The following FHIP2A variants were observed in gnomAD, a reference collection of about 807,000 sequenced individuals.
The protein encoded by FHIP2A is FHF complex subunit HOOK interacting protein 2A.
A neutral mutation model predicts 93.5 loss-of-function variants in FHIP2A; 46 were observed. The ratio of observed to expected loss-of-function variants is 0.49; its 90% CI spans 0.39 to 0.63. FHIP2A has a LOEUF of 0.63. Ranked by LOEUF, FHIP2A falls within the 20% of genes least tolerant of loss-of-function variation. The pLI is 0.00. For synonymous variants in FHIP2A, 332 were observed against 326.5 expected (o/e 1.02, Z -0.18); for missense variants, 769 against 909.7 (o/e 0.85, Z 1.99).
At chr10:114,888,894 C>T (rs534389979) in intron 16 of FHIP2A, among the ~76,000 whole-genome samples, 44 of 152,282 alleles carry the variant, frequency 2.9e-4, no homozygotes, top group African/African-American at 8.9e-4. Context: ...TGAGCCACCG[C>T]GCCCTGCCAA....
chr10:114,890,008 T>G (rs2083962631), intron 16 of FHIP2A, among the ~76,000 whole-genome samples: 1 of 151,992 alleles, frequency 6.6e-6, no homozygotes. Flanking sequence ...TTTATCTCAG[T>G]CTCTTGATTG....
At chr10:114,881,218 T>C (rs946306706) in intron 16 of FHIP2A, among the ~76,000 whole-genome samples, 6 of 152,180 alleles carry the variant, frequency 3.9e-5, no homozygotes, top group African/African-American at 1.4e-4. Context: ...GGGTCCCCTG[T>C]TTTATGCCTT....
intron 16 of FHIP2A, among the ~76,000 whole-genome samples, chr10:114,874,041 A>G (rs890242138): frequency 2.0e-5 from 3 of 152,166 alleles, no homozygotes; most frequent in Non-Finnish European, 2.9e-5. Flanking sequence ...GTATTGGACT[A>G]GACACGTGGT....
At chr10:114,877,351 T>C (rs530008537) in intron 16 of FHIP2A, among the ~76,000 whole-genome samples, 28 of 152,286 alleles carry the variant, frequency 1.8e-4, no homozygotes, top group African/African-American at 6.7e-4. Flanking sequence ...CTGGAACCCA[T>C]GCAGCTCCTT....
rs1251020950 is a variant in FHIP2A at position 114,877,243 on chromosome 10, G to A, written c.2192+15909G>A. On this transcript the variant is annotated intron_variant, in intron 16 of 16. Coordinates refer to the FHIP2A transcript ENST00000369250. ...AGTTCCCGAGTGCTGTCACTGGAGGGCGATGTCTCCAAACAGTCTCTTTCC... is the reference window on the plus strand; with the variant it reads ...AGTTCCCGAGTGCTGTCACTGGAGGACGATGTCTCCAAACAGTCTCTTTCC... Among the ~76,000 whole-genome samples, 13 of 152,176 alleles carry A rather than the reference G, an allele frequency of 8.5e-5. No homozygotes were observed. The South Asian group carries it at 2.7e-3, about 32-fold the overall frequency.
rs2083802070 is a variant in FHIP2A at position 114,861,860 on chromosome 10, A to G, written c.*320A>G. On this transcript the variant is annotated 3_prime_UTR_variant, in exon 17 of 17. Coordinates refer to ENST00000369248, the MANE Select transcript of FHIP2A (RefSeq NM_020940.4). ...CAATATTTCCAATGTCATGACTTTG[A>G]TGATATTTCTGTTATATTAATGTCC... The G allele has an allele frequency of 9.9e-7, 1 of 1,012,488 alleles. No individual in the cohort carries two copies. The highest frequency in any genetic ancestry group is 1.7e-5 in the African/African-American group (1 of 58,020). 62.7% of individuals were successfully genotyped at this position (1,012,488 alleles called of 1,614,324 possible).
At chr10:114,828,838 C>T (rs2083592103) in intron 1 of FHIP2A, among the ~76,000 whole-genome samples, 1 of 151,676 alleles carries the variant, frequency 6.6e-6, no homozygotes, top group South Asian at 2.1e-4. Flanking sequence ...ATATTTTATT[C>T]TCTTAACACA....
Position 114,822,005 on chromosome 10 carries a change from A to G in FHIP2A, c.-74A>G. 2 of 1,010,652 alleles carry G rather than the reference A, an allele frequency of 2.0e-6. No individual in the cohort carries two copies. The highest frequency in any genetic ancestry group is 3.8e-5 in the South Asian group (1 of 26,368). The allele number at this position is 1,010,652 out of a possible 1,614,324, so 62.6% of individuals were successfully genotyped here. A position where few individuals can be genotyped will look rare whatever the true frequency, so the allele number is the denominator to read the frequency against. ...ACTCTGGAGCGGCCCCGGCAGCCGC[A>G]GCAGGGGCGGCGGCGGCGGATCGAG... On this transcript the variant is annotated 5_prime_UTR_variant, in exon 1 of 17. Coordinates refer to ENST00000369248, the MANE Select transcript of FHIP2A (RefSeq NM_020940.4).
chr10:114,874,265 A>AT (rs11462305), intron 16 of FHIP2A, among the ~76,000 whole-genome samples: 48,436 of 151,930 alleles, frequency 0.32, 8,310 homozygotes, highest in South Asian at 0.39. Context: ...TAGATCTTTA[A>AT]TTTTTTTTCC....
chr10:114,881,582 C>T (rs182445146), intron 16 of FHIP2A, among the ~76,000 whole-genome samples: 58 of 152,202 alleles, frequency 3.8e-4, no homozygotes, highest in African/African-American at 1.4e-3. Context: ...TGCCTAACAG[C>T]CATAAATATT....
At chr10:114,869,943 C>T (rs1261187396) in intron 16 of FHIP2A, among the ~76,000 whole-genome samples, 4 of 152,138 alleles carry the variant, frequency 2.6e-5, no homozygotes, top group Non-Finnish European at 5.9e-5. Flanking sequence ...TGATATACAT[C>T]TTGCGAAGTA....
chr10:114,851,714 C>CAAAAA lies in FHIP2A; in HGVS notation c.1803+2995_1803+2999dup, dbSNP rs60649106. On this transcript the variant is annotated intron_variant, in intron 13 of 16. Coordinates refer to ENST00000369248, the MANE Select transcript of FHIP2A (RefSeq NM_020940.4). The stretch of plus-strand genomic sequence containing the variant: ...TTTAGGATTACTTTGTCCATTTCTG[C>CAAAAA]AAAAAAAAAAAAAAAAAAAAAAGCA... Among the ~76,000 whole-genome samples the CAAAAA allele has an allele frequency of 2.3e-3, 191 of 81,910 alleles. 13 individuals are homozygous for CAAAAA. Among genetic ancestry groups the CAAAAA allele is most frequent in the Middle Eastern group, 0.017 (2 of 118 alleles). 53.7% of individuals were successfully genotyped at this position (81,910 alleles called of 152,430 possible).
At chr10:114,823,874 T>G (rs1470864637) in intron 1 of FHIP2A, among the ~76,000 whole-genome samples, 1 of 152,152 alleles carries the variant, frequency 6.6e-6, no homozygotes, top group Admixed American at 6.5e-5. Flanking sequence ...ATTTACTATA[T>G]TGCAGTCAGC....
chr10:114,856,669 C>T (rs2083768839), intron 14 of FHIP2A, among the ~76,000 whole-genome samples: 1 of 152,132 alleles, frequency 6.6e-6, no homozygotes. Context: ...GAATCTTCAA[C>T]CTTGAGCACT....
chr10:114,856,231 A>G (rs1156764307), intron 14 of FHIP2A, among the ~76,000 whole-genome samples: 1 of 152,242 alleles, frequency 6.6e-6, no homozygotes, highest in Non-Finnish European at 1.5e-5. Context: ...GAAGTATTTC[A>G]CTATGTTAGA....
intron 5 of FHIP2A, among the ~76,000 whole-genome samples, chr10:114,838,034 TAGG>T (rs2083646174): frequency 6.6e-6 from 1 of 152,178 alleles, no homozygotes. Context: ...ATACCTAGGG[TAGG>T]ATCACCAGAT....
intron 13 of FHIP2A, among the ~76,000 whole-genome samples, chr10:114,849,251 C>G (rs1237887065): frequency 1.3e-5 from 2 of 150,500 alleles, no homozygotes; most frequent in Non-Finnish European, 3.0e-5. Flanking sequence ...TCTTTGTGCT[C>G]TTTAATTTTT....
Position 114,864,281 on chromosome 10 carries a change from A to G in FHIP2A, c.*2741A>G, listed in dbSNP as rs935815478. The G allele has an allele frequency of 2.0e-5, 20 of 984,046 alleles. No individual in the cohort carries two copies. The highest frequency in any genetic ancestry group is 2.3e-5 in the Non-Finnish European group (19 of 828,318). 61.0% of individuals were successfully genotyped at this position (984,046 alleles called of 1,614,324 possible). On this transcript the variant is annotated 3_prime_UTR_variant, in exon 17 of 17. Transcript: ENST00000369248. ...ATTAACATACAATTGCCATTTAATT[A>G]TGAAGTCCATCAGTATTGACAGAAG...
chr10:114,853,302 T>A (rs2083747355), intron 13 of FHIP2A, among the ~76,000 whole-genome samples: 1 of 152,226 alleles, frequency 6.6e-6, no homozygotes, highest in African/African-American at 2.4e-5. Flanking sequence ...GTCTAAATTT[T>A]AAAAATTCTC....
Sources: allele counts gnomAD v4.1 joint callset (sites outside exome capture counted in the v4.1 genomes callset), GRCh38; gene constraint gnomAD v4.1.1; transcripts MANE v1.5; gene names NCBI Gene and HGNC (gene_info 2026-07-23, HGNC 2026-07-21).